Variants in MARCHF7 observed in about 807,000 individuals in gnomAD.
MARCHF7 encodes E3 ubiquitin-protein ligase MARCHF7.
In MARCHF7, 20 loss-of-function variants were observed where a neutral mutation model predicts 76.5. The ratio of observed to expected loss-of-function variants is 0.26; its 90% CI spans 0.18 to 0.38. MARCHF7 has a LOEUF of 0.38. MARCHF7 is among the 10% of genes least tolerant of loss of function. The pLI, the probability that MARCHF7 is intolerant of heterozygous loss-of-function variation, is 1.00. For missense variants in MARCHF7, 797 were observed against 812.9 expected, an observed-to-expected ratio of 0.98 and a Z score of 0.24; for synonymous variants, 295 against 293.0, an observed-to-expected ratio of 1.01 and a Z score of -0.07.
At chr2:159,716,173 AAGTGATTCCCT>A (rs1701011939) in intron 3 of MARCHF7, among the ~76,000 whole-genome samples, 1 of 152,082 alleles carries the variant, frequency 6.6e-6, no homozygotes, top group African/African-American at 2.4e-5. Context: ...TATACTTTCA[AAGTGATTCCCT>A]CATTGACCCA....
At chr2:159,765,206 G>GT (rs34918190) in intron 11 of MARCHF7, among the ~76,000 whole-genome samples, 111 of 150,194 alleles carry the variant, frequency 7.4e-4, no homozygotes, top group East Asian at 1.4e-3. Flanking sequence ...GTGGTAGTGG[G>GT]TTTTTTTTTG....
intron 3 of MARCHF7, among the ~76,000 whole-genome samples, chr2:159,719,536 C>G (rs895613271): frequency 2.0e-5 from 3 of 152,182 alleles, no homozygotes; most frequent in Non-Finnish European, 4.4e-5. Context: ...TCCATTTCCA[C>G]GACTTTGGGT....
intron 3 of MARCHF7, among the ~76,000 whole-genome samples, chr2:159,718,814 G>T (rs1162615069): frequency 2.0e-5 from 3 of 152,094 alleles, no homozygotes; most frequent in East Asian, 1.9e-4. Flanking sequence ...AGATAAGTTT[G>T]TGGGAAGAGT....
intron 4 of MARCHF7, among the ~76,000 whole-genome samples, chr2:159,734,384 A>G (rs879390750): frequency 6.8e-6 from 1 of 146,154 alleles, no homozygotes; most frequent in Non-Finnish European, 1.5e-5. Context: ...TATTTTGCAT[A>G]GTGTAGAACC....
chr2:159,728,727 A>C (rs1574248519), intron 3 of MARCHF7, among the ~76,000 whole-genome samples: 1 of 152,242 alleles, frequency 6.6e-6, no homozygotes, highest in African/African-American at 2.4e-5. Context: ...GTAATAGACA[A>C]AATTGAGTAA....
intron 3 of MARCHF7, 148 bp from the exon 4 acceptor site, chr2:159,728,861 G>A: frequency 2.2e-6 from 1 of 445,696 alleles, no homozygotes; most frequent in Non-Finnish European, 3.9e-6. Context: ...TTGCGGAAGA[G>A]AAGTGGTGAT....
chr2:159,751,401 G>A (rs907876748), intron 7 of MARCHF7, among the ~76,000 whole-genome samples: 3 of 152,164 alleles, frequency 2.0e-5, no homozygotes, highest in African/African-American at 7.2e-5. Context: ...CAGAAAAATT[G>A]AATCCACCAA....
intron 4 of MARCHF7, among the ~76,000 whole-genome samples, chr2:159,729,926 A>G (rs13389662): frequency 0.34 from 52,384 of 152,086 alleles, 9,227 homozygotes; most frequent in South Asian, 0.44. Flanking sequence ...AATGTTGAAT[A>G]ATTTTTAAAT....
At chr2:159,751,155 A>G (rs1047735962) in intron 7 of MARCHF7, among the ~76,000 whole-genome samples, 11 of 152,352 alleles carry the variant, frequency 7.2e-5, no homozygotes, top group Admixed American at 2.6e-4. Flanking sequence ...ATGTAGTAAC[A>G]TATTTTCAGC....
intron 4 of MARCHF7, chr2:159,733,881 T>A (rs1284154044): frequency 8.3e-6 from 10 of 1,203,936 alleles, no homozygotes; most frequent in Non-Finnish European, 8.3e-6. Context: ...AATCCAAGAT[T>A]CTGGATAGCA....
At position 159,745,872 on chromosome 2, in the gene MARCHF7, C is replaced by G; in HGVS notation, c.449C>G (p.Thr150Arg). The change falls in exon 6 of 12, where the codon ACA (threonine) becomes AGA (arginine). Residue 150 changes from threonine to arginine, a missense_variant. Thr to Arg is a moderately conservative substitution (Grantham distance 71). This residue lies in a region of MARCHF7 where 643 missense variants were observed against 631.5 expected (regional missense o/e 1.02). Transcript: ENST00000409175. ...MRERRDLERRTDSSISNLMDY... is the reference protein window; with the variant it reads ...MRERRDLERRRDSSISNLMDY... ...GAGAGGAGAGATTTGGAGAGAAGAA[C>G]AGATTCCTCTATTAGTAATCTTATG... is the stretch of plus-strand genomic sequence containing the variant. The G allele has an allele frequency of 1.9e-6, 3 of 1,612,204 alleles. No homozygotes were observed. Among genetic ancestry groups the G allele is most frequent in the Non-Finnish European group, 2.5e-6 (3 of 1,178,606 alleles).
chr2:159,729,913 T>A (rs904170650), intron 4 of MARCHF7, among the ~76,000 whole-genome samples: 1 of 152,166 alleles, frequency 6.6e-6, no homozygotes, highest in Non-Finnish European at 1.5e-5. Flanking sequence ...ATATTTTGCT[T>A]TGAATGTTGA....
At chr2:159,723,948 C>T (rs1258819659) in intron 3 of MARCHF7, among the ~76,000 whole-genome samples, 2 of 152,126 alleles carry the variant, frequency 1.3e-5, no homozygotes, top group South Asian at 2.1e-4. Flanking sequence ...GTTTGCTTGC[C>T]ATGCTTTCTG....
chr2:159,716,494 A>G (rs1001636122), intron 3 of MARCHF7, among the ~76,000 whole-genome samples: 4 of 152,076 alleles, frequency 2.6e-5, no homozygotes, highest in Non-Finnish European at 5.9e-5. Context: ...TAAAAAAAAT[A>G]CAACAATTAG....
At chr2:159,714,107 ACT>A (rs1282826849) in intron 1 of MARCHF7, among the ~76,000 whole-genome samples, 8 of 151,974 alleles carry the variant, frequency 5.3e-5, no homozygotes, top group African/African-American at 1.7e-4. Flanking sequence ...GTCATCCATG[ACT>A]CTCATGTAGC....
At position 159,732,191 on chromosome 2, in the gene MARCHF7, A is replaced by G. The variant is rs561161941; in HGVS notation, c.153+3016A>G. 5.3e-5 allele frequency among the ~76,000 whole-genome samples: 8 copies of G among 152,314 alleles called. No homozygotes were observed. In the South Asian group the frequency reaches 1.7e-3, roughly 32 times the overall value. ...ACCCCACCTAAATGATGGTTGTAGT[A>G]ACATATTAGTGTTGATTTCATTCTG... On this transcript the variant is annotated intron_variant, in intron 4 of 11. Transcript: ENST00000409175.
chr2:159,767,414 T>G lies in MARCHF7; in HGVS notation c.*72T>G. The G allele has an allele frequency of 1.8e-6, 2 of 1,136,436 alleles. No homozygotes were observed. The highest frequency in any genetic ancestry group is 2.6e-6 in the Non-Finnish European group (2 of 761,780). 70.4% of individuals were successfully genotyped at this position (1,136,436 alleles called of 1,614,324 possible). A position where few individuals can be genotyped will look rare whatever the true frequency, so the allele number is the denominator to read the frequency against. On this transcript the variant is annotated 3_prime_UTR_variant, in exon 12 of 12. Transcript: ENST00000409175. Reference sequence around the variant, plus strand: ...AAAATGGCAATTAAATATAAATTACTTTTGTGGGGGAATGCCTAATAAATA... The same window carrying G: ...AAAATGGCAATTAAATATAAATTACGTTTGTGGGGGAATGCCTAATAAATA...
chr2:159,718,294 C>T (rs1294681048), intron 3 of MARCHF7, among the ~76,000 whole-genome samples: 1 of 152,084 alleles, frequency 6.6e-6, no homozygotes, highest in East Asian at 1.9e-4. Flanking sequence ...TCCTGCCTAG[C>T]CTAGCCTCAG....
At chr2:159,732,865 A>T in intron 4 of MARCHF7, 1 of 985,222 alleles carries the variant, frequency 1.0e-6, no homozygotes, top group Non-Finnish European at 1.2e-6. Flanking sequence ...CTTCTGTGAA[A>T]TGGTGATAGT....
Sources: allele counts gnomAD v4.1 joint callset (sites outside exome capture counted in the v4.1 genomes callset), GRCh38; gene constraint gnomAD v4.1.1; regional missense constraint gnomAD v4.1.1; transcripts MANE v1.5; gene names NCBI Gene and HGNC (gene_info 2026-07-23, HGNC 2026-07-21).